Variants in TMEM266 observed in about 807,000 individuals in gnomAD.
The protein encoded by TMEM266 is transmembrane protein 266.
TMEM266 carries 33 observed loss-of-function variants against 50.5 expected under a neutral mutation model. That is an observed-to-expected ratio of 0.65 (90% CI 0.50 to 0.87). The LOEUF is 0.87. TMEM266 is among the 40% of genes least tolerant of loss of function. The probability of loss-of-function intolerance (pLI) is 0.00; values close to 1 mark genes in which losing one functional copy is unlikely to be tolerated. For synonymous variants in TMEM266, 310 were observed against 292.3 expected, an observed-to-expected ratio of 1.06 and a Z score of -0.62; for missense variants, 655 against 695.1, an observed-to-expected ratio of 0.94 and a Z score of 0.65.
At chr15:76,124,314 C>CA (rs1426756834) in intron 1 of TMEM266, among the ~76,000 whole-genome samples, 1 of 152,180 alleles carries the variant, frequency 6.6e-6, no homozygotes, top group Non-Finnish European at 1.5e-5. Context: ...ACACACAAGA[C>CA]AGGGGCATGG....
Position 76,109,930 on chromosome 15 carries a change from G to A in TMEM266, c.-96-24238G>A, listed in dbSNP as rs570502477. 5.9e-5 allele frequency among the ~76,000 whole-genome samples: 9 copies of A among 151,862 alleles called. No homozygotes were observed. In the South Asian group the frequency reaches 1.7e-3, roughly 28 times the overall value. ...CTGCCTTGCCCTCCTAAAGTGCTGG[G>A]ATTATAGGTGAGAGCCGCCATGCCT... On this transcript the variant is annotated intron_variant, in intron 1 of 10. Coordinates refer to ENST00000388942, the MANE Select transcript of TMEM266 (RefSeq NM_152335.3).
chr15:76,116,890 T>G (rs2037255450), intron 1 of TMEM266, among the ~76,000 whole-genome samples: 1 of 149,138 alleles, frequency 6.7e-6, no homozygotes, highest in Admixed American at 6.8e-5. Flanking sequence ...CAGTAAAGCA[T>G]ATCTTCTTTT....
intron 1 of TMEM266, among the ~76,000 whole-genome samples, chr15:76,104,012 C>T (rs1311557118): frequency 1.3e-5 from 2 of 151,270 alleles, no homozygotes; most frequent in Non-Finnish European, 2.9e-5. Flanking sequence ...TCGAGACCAT[C>T]CTGGCTAACA....
At chr15:76,157,619 G>A (rs1283856954) in intron 4 of TMEM266, among the ~76,000 whole-genome samples, 1 of 152,188 alleles carries the variant, frequency 6.6e-6, no homozygotes, top group African/African-American at 2.4e-5. Context: ...CTTTGGATAA[G>A]TAAGTGGTTT....
intron 1 of TMEM266, among the ~76,000 whole-genome samples, chr15:76,104,343 C>T (rs1196764432): frequency 6.6e-6 from 1 of 152,238 alleles, no homozygotes; most frequent in Non-Finnish European, 1.5e-5. Context: ...TTCAGTCCCA[C>T]AGTTGCACAA....
intron 4 of TMEM266, among the ~76,000 whole-genome samples, chr15:76,158,042 C>T (rs1241661483): frequency 6.6e-6 from 1 of 151,978 alleles, no homozygotes; most frequent in Non-Finnish European, 1.5e-5. Context: ...GTACAATTAT[C>T]AGCTCCAGAG....
intron 3 of TMEM266, among the ~76,000 whole-genome samples, chr15:76,154,417 G>A (rs1041254528): frequency 6.6e-6 from 1 of 152,216 alleles, no homozygotes; most frequent in Middle Eastern, 3.4e-3. Flanking sequence ...TTCTGCAATG[G>A]ACTTCGAAAT....
At position 76,176,816 on chromosome 15, in the gene TMEM266, C is replaced by T. The variant is rs1208700540; in HGVS notation, c.768+1142C>T. On this transcript the variant is annotated intron_variant, in intron 8 of 10. Transcript: ENST00000388942. ...CCTCCCCCATTGCTGGGTGCCCAGGCAGTCTCCAAGGTGGCCTCAGGGTTG... is the reference window on the plus strand; with the variant it reads ...CCTCCCCCATTGCTGGGTGCCCAGGTAGTCTCCAAGGTGGCCTCAGGGTTG... 3.3e-5 allele frequency among the ~76,000 whole-genome samples: 5 copies of T among 152,220 alleles called. No individual in the cohort carries two copies. In the South Asian group the frequency reaches 6.2e-4, roughly 19 times the overall value.
intron 1 of TMEM266, among the ~76,000 whole-genome samples, chr15:76,068,814 G>T (rs1596082039): frequency 6.6e-6 from 1 of 152,262 alleles, no homozygotes; most frequent in South Asian, 2.1e-4. Flanking sequence ...TTCTGTTATG[G>T]CAGCCTGCAC....
Position 76,204,659 on chromosome 15 carries a change from C to CACCCTGGACTCTAGG in TMEM266, c.*345_*359dup, listed in dbSNP as rs2038809849. On this transcript the variant is annotated 3_prime_UTR_variant, in exon 11 of 11. Transcript: ENST00000388942. ...TTGCGTTGCCTTCGTTCCTGACGCCCACCCTGGACTCTAGGGAACAGCACT... is the reference window on the plus strand; with the variant it reads ...TTGCGTTGCCTTCGTTCCTGACGCCCACCCTGGACTCTAGGACCCTGGACTCTAGGGAACAGCACT... 2 of 198,438 alleles carry CACCCTGGACTCTAGG rather than the reference C, an allele frequency of 1.0e-5. No individual in the cohort carries two copies. Among genetic ancestry groups the CACCCTGGACTCTAGG allele is most frequent in the Non-Finnish European group, 2.1e-5 (2 of 96,606 alleles). The allele number at this position is 198,438 out of a possible 1,614,324, so 12.3% of individuals were successfully genotyped here.
rs1567187393 is a variant in TMEM266 at position 76,202,248 on chromosome 15, CAAT to C, written c.1006_1008del (p.Asn336del). ...TGAACAGCTACATCAGTCAGTATTACAATGGGCCCAGCAGTGGTAAGTCTGGGT... is the reference window on the plus strand; with the variant it reads ...TGAACAGCTACATCAGTCAGTATTACGGGCCCAGCAGTGGTAAGTCTGGGT... On this transcript the variant is annotated inframe_deletion, in exon 10 of 11. Transcript: ENST00000388942. The C allele has an allele frequency of 6.2e-7, 1 of 1,613,862 alleles. No individual in the cohort carries two copies. The highest frequency in any genetic ancestry group is 1.1e-5 in the South Asian group (1 of 91,048).
At chr15:76,182,170 G>A (rs1044951033) in intron 8 of TMEM266, among the ~76,000 whole-genome samples, 2 of 152,080 alleles carry the variant, frequency 1.3e-5, no homozygotes, top group African/African-American at 4.8e-5. Context: ...CTTATTCGGG[G>A]AGCCAGCAAG....
intron 1 of TMEM266, among the ~76,000 whole-genome samples, chr15:76,120,383 C>T (rs1274980722): frequency 2.0e-5 from 3 of 151,692 alleles, no homozygotes; most frequent in Non-Finnish European, 4.4e-5. Flanking sequence ...ATGGAAAAAG[C>T]AAAAAGCAGA....
chr15:76,105,269 A>G (rs2037063727), intron 1 of TMEM266, among the ~76,000 whole-genome samples: 1 of 152,060 alleles, frequency 6.6e-6, no homozygotes, highest in Non-Finnish European at 1.5e-5. Context: ...AGAAAAAAAA[A>G]GTTTTATTCC....
chr15:76,190,534 A>G (rs2038552380), intron 8 of TMEM266, among the ~76,000 whole-genome samples: 1 of 151,744 alleles, frequency 6.6e-6, no homozygotes, highest in Non-Finnish European at 1.5e-5. Context: ...TGTAGGGGCC[A>G]GAGCTGGCAG....
chr15:76,170,901 A>C (rs2142060355), intron 6 of TMEM266, 92 bp from the exon 7 acceptor site: 1 of 1,461,278 alleles, frequency 6.8e-7, no homozygotes, highest in South Asian at 1.4e-5. Flanking sequence ...GCTGCTGGAA[A>C]AGTTGGGCAG....
intron 1 of TMEM266, among the ~76,000 whole-genome samples, chr15:76,084,174 T>C (rs2036737098): frequency 6.6e-6 from 1 of 151,990 alleles, no homozygotes. Flanking sequence ...ATTAGCCTGG[T>C]GTGGTGATAC....
At chr15:76,070,837 C>T (rs115607999) in intron 1 of TMEM266, among the ~76,000 whole-genome samples, 1,839 of 152,244 alleles carry the variant, frequency 0.012, 29 homozygotes, top group African/African-American at 0.043. Flanking sequence ...TGATATTCCT[C>T]CAAATACAGA....
chr15:76,125,190 A>G (rs1258214851), intron 1 of TMEM266, among the ~76,000 whole-genome samples: 2 of 152,212 alleles, frequency 1.3e-5, no homozygotes, highest in African/African-American at 4.8e-5. Context: ...TCAAAACCCT[A>G]GAGGAAAACA....
Sources: gnomAD v4.1 joint callset for allele counts (sites outside exome capture counted in the v4.1 genomes callset) on GRCh38, gnomAD v4.1.1 for gene constraint, MANE v1.5 for transcripts, NCBI Gene and HGNC (gene_info 2026-07-23, HGNC 2026-07-21) for gene names.